The following FOXO1 variants were observed in gnomAD, a reference collection of about 807,000 sequenced individuals.
The protein encoded by FOXO1 is forkhead box O1.
A neutral mutation model predicts 44.1 loss-of-function variants in FOXO1; 6 were observed. That is an observed-to-expected ratio of 0.14 (90% CI 0.07 to 0.27). The LOEUF (loss-of-function observed/expected upper bound fraction) is 0.27, where lower values mean the gene tolerates loss of function less well. Ranked by LOEUF, FOXO1 falls within the 10% of genes least tolerant of loss-of-function variation. The pLI is 1.00. For missense variants in FOXO1, 737 were observed against 888.8 expected, an observed-to-expected ratio of 0.83 and a Z score of 2.17; for synonymous variants, 380 against 362.7, an observed-to-expected ratio of 1.05 and a Z score of -0.54.
In FOXO1 at chr13:40,666,598, G is replaced by A. The variant is rs1029254204; in HGVS notation, c.-386C>T. On this transcript the variant is annotated 5_prime_UTR_variant, in exon 1 of 3. Transcript: ENST00000379561. ...GCTGCCTGTTGAATGTGGCGGCTGC[G>A]GCAGCGGCTGCTGCGACTACCAGGC... 21 of 200,226 alleles carry A rather than the reference G, an allele frequency of 1.0e-4. No individual in the cohort carries two copies. The highest frequency in any genetic ancestry group is 7.9e-4 in the Admixed American group (13 of 16,538). 12.4% of individuals were successfully genotyped at this position (200,226 alleles called of 1,614,324 possible). A position where few individuals can be genotyped will look rare whatever the true frequency, so the allele number is the denominator to read the frequency against.
intron 1 of FOXO1, among the ~76,000 whole-genome samples, chr13:40,647,561 C>T (rs1877551744): frequency 6.6e-6 from 1 of 152,158 alleles, no homozygotes; most frequent in African/African-American, 2.4e-5. Flanking sequence ...TGCACCACCA[C>T]ATCTGGCTAG....
intron 1 of FOXO1, among the ~76,000 whole-genome samples, chr13:40,652,982 T>C (rs73469031): frequency 4.3e-4 from 65 of 152,256 alleles, no homozygotes; most frequent in African/African-American, 1.5e-3. Flanking sequence ...TTTTTTTTTT[T>C]CTTCAAGACA....
intron 1 of FOXO1, among the ~76,000 whole-genome samples, chr13:40,575,761 A>G (rs1669519161): frequency 6.6e-6 from 1 of 152,184 alleles, no homozygotes; most frequent in African/African-American, 2.4e-5. Flanking sequence ...CCTGCCTCCC[A>G]TGGTCTTACA....
intron 1 of FOXO1, among the ~76,000 whole-genome samples, chr13:40,602,467 T>A (rs1875846151): frequency 1.3e-5 from 2 of 152,188 alleles, no homozygotes; most frequent in South Asian, 4.1e-4. Context: ...TTAATACCGA[T>A]CCCTTAGGGG....
At chr13:40,606,427 A>C (rs1049593515) in intron 1 of FOXO1, among the ~76,000 whole-genome samples, 4 of 152,008 alleles carry the variant, frequency 2.6e-5, no homozygotes, top group Non-Finnish European at 5.9e-5. Flanking sequence ...CTCCTGTCTC[A>C]GCCTCCTGAG....
chr13:40,602,024 A>G (rs2137880390), intron 1 of FOXO1, among the ~76,000 whole-genome samples: 1 of 152,346 alleles, frequency 6.6e-6, no homozygotes, highest in Middle Eastern at 3.4e-3. Context: ...TACATGACAT[A>G]GAAAGATTCA....
intron 1 of FOXO1, among the ~76,000 whole-genome samples, chr13:40,658,572 AAGTCCACAACT>A (rs1877932623): frequency 6.6e-6 from 1 of 152,184 alleles, no homozygotes; most frequent in Admixed American, 6.5e-5. Context: ...ACCAGAGAAA[AAGTCCACAACT>A]AGTCCTGAGG....
chr13:40,584,171 T>A (rs1025766424), intron 1 of FOXO1, among the ~76,000 whole-genome samples: 4 of 152,084 alleles, frequency 2.6e-5, no homozygotes, highest in South Asian at 2.1e-4. Context: ...GAATTTTTTT[T>A]AATAAAAAGC....
At chr13:40,614,713 T>C (rs1566076055) in intron 1 of FOXO1, among the ~76,000 whole-genome samples, 1 of 152,160 alleles carries the variant, frequency 6.6e-6, no homozygotes, top group Non-Finnish European at 1.5e-5. Flanking sequence ...TAAACAAATG[T>C]GAACCAGAAA....
rs1187873026 is a variant in FOXO1, at chr13:40,560,895, C to T, written c.631-35G>A. The T allele has an allele frequency of 5.2e-6, 8 of 1,546,738 alleles. No homozygotes were observed. Among genetic ancestry groups the T allele is most frequent in the Non-Finnish European group, 3.5e-6 (4 of 1,152,008 alleles). On this transcript the variant is annotated intron_variant, in intron 1 of 2. Coordinates refer to ENST00000379561, the MANE Select transcript of FOXO1 (RefSeq NM_002015.4). This position sits in a 1 kb window ranked among gnomAD's most constrained non-coding sequence, Gnocchi z 5.1. The stretch of plus-strand genomic sequence containing the variant: ...AAAACATCTTATTAGAAGTACAATA[C>T]TTCTCTGCTTGCAAAACTTCCTATT...
At chr13:40,574,768 G>A (rs1874679490) in intron 1 of FOXO1, among the ~76,000 whole-genome samples, 2 of 151,974 alleles carry the variant, frequency 1.3e-5, no homozygotes, top group African/African-American at 4.8e-5. Context: ...ACTTAGAACT[G>A]CTGTTGACTG....
intron 1 of FOXO1, among the ~76,000 whole-genome samples, chr13:40,615,528 AATAC>A (rs56390235): frequency 0.057 from 7,944 of 139,710 alleles, 470 homozygotes; most frequent in African/African-American, 0.15. Context: ...CTCCATCTCA[AATAC>A]ATACATACAT....
At chr13:40,559,135 T>G (rs911026637) in intron 2 of FOXO1, 101 bp from the exon 3 acceptor site, 1 of 403,094 alleles carries the variant, frequency 2.5e-6, no homozygotes, top group Non-Finnish European at 4.4e-6. Context: ...GTGACAGACA[T>G]ACTTAGGGGC....
chr13:40,617,226 A>G (rs3924477), intron 1 of FOXO1, among the ~76,000 whole-genome samples: 58,644 of 152,026 alleles, frequency 0.39, 12,113 homozygotes, highest in East Asian at 0.73. Flanking sequence ...CGGACAGATC[A>G]CCTGAGGTCA....
chr13:40,637,161 T>C (rs531309242), intron 1 of FOXO1, among the ~76,000 whole-genome samples: 15 of 152,190 alleles, frequency 9.9e-5, no homozygotes, highest in African/African-American at 3.6e-4. Context: ...AAAAAGCTTA[T>C]GGCCGAGCGC....
chr13:40,645,611 T>TA (rs1877484155), intron 1 of FOXO1, among the ~76,000 whole-genome samples: 1 of 152,200 alleles, frequency 6.6e-6, no homozygotes, highest in African/African-American at 2.4e-5. Context: ...CAATGACCTT[T>TA]AAAGAAACTT....
intron 1 of FOXO1, among the ~76,000 whole-genome samples, chr13:40,663,523 G>A (rs1294680718): frequency 6.6e-6 from 1 of 152,136 alleles, no homozygotes; most frequent in East Asian, 1.9e-4. Flanking sequence ...AAAAAGGGGG[G>A]AGGATTTTTT....
In FOXO1 at chr13:40,559,871, G is replaced by A. The variant is rs867122605; in HGVS notation, c.1620C>T (p.Pro540=). Residue 540 remains proline (P), a synonymous_variant, in exon 2 of 3, where the codon CCC becomes CCT. Coordinates refer to ENST00000379561, the MANE Select transcript of FOXO1 (RefSeq NM_002015.4). ...QTSAVNGRPL[P]HTVSTMPHTS... is the part of the protein sequence containing the mutation. ...TGTGGGGCATGGTGCTTACCGTGTG[G>A]GGCAGGGGACGCCCGTTAACTGCAG... 1 of 1,614,168 alleles carries A rather than the reference G, an allele frequency of 6.2e-7. No homozygotes were observed. The highest frequency in any genetic ancestry group is 8.5e-7 in the Non-Finnish European group (1 of 1,180,022).
At chr13:40,653,771 C>T (rs1469481300) in intron 1 of FOXO1, among the ~76,000 whole-genome samples, 1 of 152,114 alleles carries the variant, frequency 6.6e-6, no homozygotes, top group Non-Finnish European at 1.5e-5. Context: ...CAGCCCCTCA[C>T]CAGTAAGTAC....
Sources: allele counts gnomAD v4.1 joint callset (sites outside exome capture counted in the v4.1 genomes callset), GRCh38; gene constraint gnomAD v4.1.1; non-coding constraint Gnocchi (gnomAD v3.1); transcripts MANE v1.5; gene names NCBI Gene and HGNC (gene_info 2026-07-23, HGNC 2026-07-21).